The following GFRAL variants were observed in gnomAD, a reference collection of about 807,000 sequenced individuals.
The protein encoded by GFRAL is GDNF family receptor alpha like, also known as GDNF family receptor alpha-like.
Under a neutral mutation model 45.4 loss-of-function variants are expected in GFRAL, and 36 were observed. The observed-to-expected ratio is 0.79, with a 90% CI of 0.61 to 1.05. The LOEUF (loss-of-function observed/expected upper bound fraction) is 1.05, where lower values mean the gene tolerates loss of function less well. Among genes scored for constraint, GFRAL ranks in the 50% least tolerant of loss-of-function variants. GFRAL has a pLI of 0.00. For missense variants in GFRAL, 507 were observed against 467.5 expected (o/e 1.08, Z -0.78); for synonymous variants, 166 against 154.1 (o/e 1.08, Z -0.57).
At chr6:55,375,978 A>G (rs11966816) in intron 6 of GFRAL, among the ~76,000 whole-genome samples, 12,045 of 152,042 alleles carry the variant, frequency 0.079, 635 homozygotes, top group African/African-American at 0.15. Context: ...CATTCAGTAT[A>G]ATATTGGTTG....
intron 6 of GFRAL, among the ~76,000 whole-genome samples, chr6:55,372,106 T>C (rs1263605270): frequency 6.6e-6 from 1 of 152,166 alleles, no homozygotes; most frequent in Non-Finnish European, 1.5e-5. Context: ...TCAAGAACAA[T>C]TGATATACTT....
chr6:55,393,324 T>C (rs904215407), intron 6 of GFRAL, among the ~76,000 whole-genome samples: 1 of 152,330 alleles, frequency 6.6e-6, no homozygotes, highest in African/African-American at 2.4e-5. Context: ...TTTTCTAAAG[T>C]CATTTACTTA....
intron 3 of GFRAL, among the ~76,000 whole-genome samples, chr6:55,341,676 T>A (rs1275300412): frequency 6.6e-6 from 1 of 152,188 alleles, no homozygotes; most frequent in Non-Finnish European, 1.5e-5. Context: ...GGATGGAGAA[T>A]GACTTTGACG....
At chr6:55,394,697 G>A (rs1768798413) in intron 6 of GFRAL, among the ~76,000 whole-genome samples, 1 of 151,890 alleles carries the variant, frequency 6.6e-6, no homozygotes, top group African/African-American at 2.4e-5. Context: ...AAAGGAGGGA[G>A]AACTAGAGGT....
intron 5 of GFRAL, among the ~76,000 whole-genome samples, chr6:55,357,882 C>A (rs1197658794): frequency 6.6e-6 from 1 of 151,574 alleles, no homozygotes; most frequent in African/African-American, 2.4e-5. Flanking sequence ...TAGTCTCTAT[C>A]TGAATGACAA....
intron 2 of GFRAL, among the ~76,000 whole-genome samples, chr6:55,332,869 G>A (rs1241301893): frequency 6.6e-6 from 1 of 151,908 alleles, no homozygotes; most frequent in East Asian, 1.9e-4. Context: ...AATAGAATAA[G>A]TAAATAGAAT....
chr6:55,378,351 C>T (rs973052), intron 6 of GFRAL, among the ~76,000 whole-genome samples: 84,182 of 151,738 alleles, frequency 0.55, 23,552 homozygotes, highest in South Asian at 0.63. Flanking sequence ...AGAAAGGTTA[C>T]GGTATTATAA....
intron 6 of GFRAL, among the ~76,000 whole-genome samples, chr6:55,376,217 C>T (rs181071705): frequency 2.1e-3 from 324 of 152,176 alleles, no homozygotes; most frequent in African/African-American, 6.9e-3. Flanking sequence ...CCAACTTGAT[C>T]GTGGTGGATA....
intron 6 of GFRAL, among the ~76,000 whole-genome samples, chr6:55,386,964 C>T (rs906079858): frequency 5.9e-5 from 9 of 152,106 alleles, no homozygotes; most frequent in African/African-American, 9.7e-5. Flanking sequence ...AACAGGAGAA[C>T]GGCTGTCTTC....
chr6:55,368,729 G>A (rs543364893), intron 6 of GFRAL, among the ~76,000 whole-genome samples: 3 of 152,176 alleles, frequency 2.0e-5, no homozygotes, highest in Non-Finnish European at 4.4e-5. Context: ...CCCCTGCTGG[G>A]GGGTGCCTCC....
At chr6:55,399,645 A>AT (rs967556545) in intron 8 of GFRAL, among the ~76,000 whole-genome samples, 2 of 152,034 alleles carry the variant, frequency 1.3e-5, no homozygotes, top group African/African-American at 2.4e-5. Flanking sequence ...ATCATAGGAG[A>AT]TTTTTTATGT....
At chr6:55,380,861 C>A (rs1768599183) in intron 6 of GFRAL, among the ~76,000 whole-genome samples, 1 of 151,950 alleles carries the variant, frequency 6.6e-6, no homozygotes, top group South Asian at 2.1e-4. Flanking sequence ...TTGGAAGTAT[C>A]CTAATACTGC....
chr6:55,377,919 T>G (rs1210603919), intron 6 of GFRAL, among the ~76,000 whole-genome samples: 1 of 152,092 alleles, frequency 6.6e-6, no homozygotes, highest in Non-Finnish European at 1.5e-5. Context: ...GATGCAATAC[T>G]GAGTTGTTTT....
Position 55,346,833 on chromosome 6 carries a change from C to CA in GFRAL, c.317-3259_317-3258insA, listed in dbSNP as rs1438402226. On this transcript the variant is annotated intron_variant, in intron 3 of 8. Transcript: ENST00000340465. Reference sequence around the variant, plus strand: ...CAGTACAAAAAATAAACAAGAAATCCCCCCCCCCCAAAAAAAAGAAAAAAC... The same window carrying CA: ...CAGTACAAAAAATAAACAAGAAATCCACCCCCCCCCAAAAAAAAGAAAAAAC... Among the ~76,000 whole-genome samples the CA allele has an allele frequency of 4.2e-4, 20 of 48,056 alleles. 2 individuals carry two copies. The highest frequency in any genetic ancestry group is 9.3e-4 in the South Asian group (1 of 1,076). The allele number at this position is 48,056 out of a possible 152,430, so 31.5% of individuals were successfully genotyped here.
chr6:55,369,306 C>T (rs1350666729), intron 6 of GFRAL, among the ~76,000 whole-genome samples: 1 of 152,200 alleles, frequency 6.6e-6, no homozygotes, highest in Non-Finnish European at 1.5e-5. Context: ...TCGGCTCACG[C>T]AAGGTGCGCG....
rs1768130417 is a variant in GFRAL at position 55,352,437 on chromosome 6, A to G, written c.701+854A>G. 2.0e-5 allele frequency among the ~76,000 whole-genome samples: 3 copies of G among 152,036 alleles called. No homozygotes were observed. The South Asian group carries it at 6.2e-4, about 32-fold the overall frequency. On this transcript the variant is annotated intron_variant, in intron 5 of 8. Transcript: ENST00000340465. ...CATTGATCTTGCAAGGAAGAGTCTG[A>G]TGTGGGGAGAATTGTTGGCAGCAGA... is the stretch of plus-strand genomic sequence containing the variant.
intron 6 of GFRAL, among the ~76,000 whole-genome samples, chr6:55,359,923 T>C (rs1052271245): frequency 3.9e-5 from 6 of 152,020 alleles, no homozygotes; most frequent in Non-Finnish European, 7.4e-5. Flanking sequence ...CAACCTACTA[T>C]GATTGGCTGT....
At chr6:55,395,781 G>GGA (rs1768816763) in intron 6 of GFRAL, among the ~76,000 whole-genome samples, 1 of 137,412 alleles carries the variant, frequency 7.3e-6, no homozygotes, top group Non-Finnish European at 1.6e-5. Context: ...AAGGATTTTG[G>GGA]AAAAAAAAAA....
chr6:55,382,063 TA>T (rs979241166), intron 6 of GFRAL, among the ~76,000 whole-genome samples: 2 of 151,986 alleles, frequency 1.3e-5, no homozygotes, highest in Admixed American at 1.3e-4. Flanking sequence ...GTCCAGGTGC[TA>T]AAAAAGCTTC....
Sources: allele counts gnomAD v4.1 joint callset (sites outside exome capture counted in the v4.1 genomes callset), GRCh38; gene constraint gnomAD v4.1.1; transcripts MANE v1.5; gene names NCBI Gene and HGNC (gene_info 2026-07-23, HGNC 2026-07-21).